The following TTC28 variants were observed in gnomAD, a reference collection of about 807,000 sequenced individuals.
TTC28 encodes tetratricopeptide repeat domain 28, also known as tetratricopeptide repeat protein 28.
Under a neutral mutation model 198.0 loss-of-function variants are expected in TTC28, and 61 were observed. The observed-to-expected ratio is 0.31, with a 90% CI of 0.25 to 0.38. TTC28 has a LOEUF of 0.38. Among genes scored for constraint, TTC28 ranks in the 10% least tolerant of loss-of-function variants. The pLI, the probability that TTC28 is intolerant of heterozygous loss-of-function variation, is 1.00. For synonymous variants in TTC28, 1,171 were observed against 1,297.8 expected, an observed-to-expected ratio of 0.90 and a Z score of 2.10; for missense variants, 2,678 against 3,164.0, an observed-to-expected ratio of 0.85 and a Z score of 3.69.
In TTC28 at chr22:28,107,475, C is replaced by T. The variant is rs973548813; in HGVS notation, c.2370G>A (p.Leu790=). The T allele has an allele frequency of 1.9e-6, 3 of 1,551,634 alleles. No individual in the cohort carries two copies. Among genetic ancestry groups the T allele is most frequent in the African/African-American group, 1.4e-5 (1 of 73,022 alleles). The change falls in exon 7 of 23, where the codon TTG becomes TTA. Residue 790 remains leucine (L), a synonymous_variant. Transcript: ENST00000397906. The part of the protein sequence containing the change: ...ELEVYQELSD[L]PGECRAHGHL... Reference sequence around the variant, plus strand: ...GCCCATGAGCTCTGCACTCCCCTGGCAAGTCACTCAGCTCCTGATATACCT... The same window carrying T: ...GCCCATGAGCTCTGCACTCCCCTGGTAAGTCACTCAGCTCCTGATATACCT...
At chr22:28,594,882 G>T (rs895083454) in intron 2 of TTC28, among the ~76,000 whole-genome samples, 1 of 152,124 alleles carries the variant, frequency 6.6e-6, no homozygotes, top group Non-Finnish European at 1.5e-5. Context: ...TGTTTAACAT[G>T]CCTAAGCACA....
At chr22:28,643,288 C>T (rs2051399155) in intron 1 of TTC28, 1 of 152,188 alleles carries the variant, frequency 6.6e-6, no homozygotes, top group Non-Finnish European at 1.5e-5. Context: ...AAGAACATTT[C>T]TATCATCACA....
chr22:28,647,991 G>A (rs113814266), intron 1 of TTC28, among the ~76,000 whole-genome samples: 16 of 149,956 alleles, frequency 1.1e-4, no homozygotes, highest in East Asian at 6.0e-4. Context: ...TTGGGAGGCC[G>A]AGGCGGGCGG....
chr22:28,134,329 CT>C (rs1271210855), intron 6 of TTC28, among the ~76,000 whole-genome samples: 2 of 152,224 alleles, frequency 1.3e-5, no homozygotes, highest in African/African-American at 2.4e-5. Flanking sequence ...AATGCAGCTC[CT>C]CGCCAGCAAT....
At chr22:28,121,062 C>T (rs1006317739) in intron 6 of TTC28, among the ~76,000 whole-genome samples, 1 of 152,210 alleles carries the variant, frequency 6.6e-6, no homozygotes, top group Non-Finnish European at 1.5e-5. Context: ...AGTTTTTCTT[C>T]CGTTTCTGTT....
chr22:28,522,513 C>T (rs959585307), intron 2 of TTC28, among the ~76,000 whole-genome samples: 1 of 146,708 alleles, frequency 6.8e-6, no homozygotes, highest in Non-Finnish European at 1.5e-5. Context: ...AACTGAGACA[C>T]AGAAAATACT....
At chr22:28,121,387 G>C (rs552262948) in intron 6 of TTC28, among the ~76,000 whole-genome samples, 1 of 152,220 alleles carries the variant, frequency 6.6e-6, no homozygotes, top group Admixed American at 6.5e-5. Context: ...CTTATCTCCA[G>C]CCAACCACTT....
At position 28,281,760 on chromosome 22, in the gene TTC28, C is replaced by G. The variant is rs192915336; in HGVS notation, c.933+14438G>C. On this transcript the variant is annotated intron_variant, in intron 5 of 22. Transcript: ENST00000397906. Reference sequence around the variant, plus strand: ...CAGTTAACCGTGATGAACTCAAACACCGAACTGTTTCTCCTGAAGTGGGCA... The same window carrying G: ...CAGTTAACCGTGATGAACTCAAACAGCGAACTGTTTCTCCTGAAGTGGGCA... Among the ~76,000 whole-genome samples the G allele has an allele frequency of 4.1e-3, 621 of 152,340 alleles. 4 individuals are homozygous for G. Among genetic ancestry groups the G allele is most frequent in the African/African-American group, 0.013 (555 of 41,572 alleles).
At chr22:28,669,302 T>TA (rs368983463) in intron 1 of TTC28, among the ~76,000 whole-genome samples, 22,020 of 116,216 alleles carry the variant, frequency 0.19, 1,602 homozygotes, top group African/African-American at 0.23. Flanking sequence ...TAGAGTATAA[T>TA]AAAAAAAAAA....
At chr22:28,309,974 G>A (rs573631909) in intron 2 of TTC28, among the ~76,000 whole-genome samples, 3 of 152,152 alleles carry the variant, frequency 2.0e-5, no homozygotes, top group African/African-American at 7.2e-5. Context: ...TTATTTTCTT[G>A]TTGGTCACCA....
chr22:28,088,112 C>T (rs891395962), intron 12 of TTC28, among the ~76,000 whole-genome samples: 10 of 152,062 alleles, frequency 6.6e-5, no homozygotes, highest in African/African-American at 1.4e-4. Flanking sequence ...GATTCAATGC[C>T]ATCCCCATCA....
chr22:28,266,696 C>G (rs1490580857), intron 5 of TTC28, among the ~76,000 whole-genome samples: 1 of 152,130 alleles, frequency 6.6e-6, no homozygotes, highest in African/African-American at 2.4e-5. Context: ...CTGACTTCAG[C>G]TGACTACAGA....
Position 28,413,052 on chromosome 22 carries a change from A to G in TTC28, c.382-106409T>C, listed in dbSNP as rs1440647922. 4.6e-5 allele frequency among the ~76,000 whole-genome samples: 7 copies of G among 152,298 alleles called. No individual in the cohort carries two copies. The East Asian group carries it at 1.2e-3, about 25-fold the overall frequency. On this transcript the variant is annotated intron_variant, in intron 2 of 22. Coordinates refer to ENST00000397906, the MANE Select transcript of TTC28 (RefSeq NM_001145418.2). ...TCATCTCACTCGCTGTGTTATTTAT[A>G]TATCTAATGCCTAGGAGCACATTCA... is the stretch of plus-strand genomic sequence containing the variant.
intron 12 of TTC28, among the ~76,000 whole-genome samples, chr22:28,032,444 G>T (rs1217712697): frequency 6.6e-6 from 1 of 151,300 alleles, no homozygotes; most frequent in Admixed American, 6.6e-5. Context: ...AGCCTTCATA[G>T]TCTGGAAATG....
intron 2 of TTC28, among the ~76,000 whole-genome samples, chr22:28,593,878 G>C (rs1191122812): frequency 6.6e-6 from 1 of 152,162 alleles, no homozygotes; most frequent in Non-Finnish European, 1.5e-5. Context: ...GCAATAGGTA[G>C]TGGTGGAGTA....
At chr22:28,009,123 C>A (rs1938037355) in intron 14 of TTC28, among the ~76,000 whole-genome samples, 1 of 152,168 alleles carries the variant, frequency 6.6e-6, no homozygotes, top group African/African-American at 2.4e-5. Flanking sequence ...TGCAACCGGG[C>A]CCTCCTCAAA....
At chr22:28,545,272 A>T (rs542239953) in intron 2 of TTC28, among the ~76,000 whole-genome samples, 2 of 152,328 alleles carry the variant, frequency 1.3e-5, no homozygotes, top group African/African-American at 2.4e-5. Context: ...AACAAATTTT[A>T]AAAACTAATA....
intron 13 of TTC28, among the ~76,000 whole-genome samples, chr22:28,029,480 C>A (rs1235079861): frequency 6.6e-6 from 1 of 152,170 alleles, no homozygotes; most frequent in Non-Finnish European, 1.5e-5. Flanking sequence ...GTGGCAGGGA[C>A]CTAGGGAGTC....
At chr22:28,463,925 T>C (rs55636031) in intron 2 of TTC28, among the ~76,000 whole-genome samples, 1,789 of 151,818 alleles carry the variant, frequency 0.012, 26 homozygotes, top group East Asian at 0.056. Flanking sequence ...ACTATATATA[T>C]ATTTAAAAAA....
Sources: gnomAD v4.1 joint callset for allele counts (sites outside exome capture counted in the v4.1 genomes callset) on GRCh38, gnomAD v4.1.1 for gene constraint, MANE v1.5 for transcripts, NCBI Gene and HGNC (gene_info 2026-07-23, HGNC 2026-07-21) for gene names.